The following ADAMTSL3 variants were observed in gnomAD, a reference collection of about 807,000 sequenced individuals.
The protein encoded by ADAMTSL3 is ADAMTS-like protein 3.
In ADAMTSL3, 128 loss-of-function variants were observed where a neutral mutation model predicts 201.7. That is an observed-to-expected ratio of 0.63 (90% confidence interval 0.55 to 0.73). The LOEUF (loss-of-function observed/expected upper bound fraction) is 0.73. Ranked by LOEUF, ADAMTSL3 falls within the 30% of genes least tolerant of loss-of-function variation. The pLI is 0.00. For synonymous variants in ADAMTSL3, 738 were observed against 748.4 expected, an observed-to-expected ratio of 0.99 and a Z score of 0.23; for missense variants, 1,990 against 2,119.6, an observed-to-expected ratio of 0.94 and a Z score of 1.20.
intron 2 of ADAMTSL3, among the ~76,000 whole-genome samples, chr15:83,662,570 T>TA (rs1555427509): frequency 0.047 from 3,112 of 65,526 alleles, 37 homozygotes; most frequent in Non-Finnish European, 0.061. Context: ...TAAAGTATAA[T>TA]AAAAAAAAAA....
intron 23 of ADAMTSL3, among the ~76,000 whole-genome samples, chr15:83,992,034 A>G (rs2141837222): frequency 6.6e-6 from 1 of 152,352 alleles, no homozygotes; most frequent in Non-Finnish European, 1.5e-5. Flanking sequence ...TACTCTTTTA[A>G]GATGACTTTG....
chr15:83,774,665 T>C (rs1202097413), intron 4 of ADAMTSL3, among the ~76,000 whole-genome samples: 1 of 152,198 alleles, frequency 6.6e-6, no homozygotes, highest in Non-Finnish European at 1.5e-5. Context: ...CCAGGGATTA[T>C]TCTTGCAAAG....
At chr15:83,928,491 G>A (rs943173185) in intron 17 of ADAMTSL3, among the ~76,000 whole-genome samples, 3 of 152,124 alleles carry the variant, frequency 2.0e-5, no homozygotes, top group Non-Finnish European at 2.9e-5. Flanking sequence ...CAGAGAAAAC[G>A]AAAATGATAA....
intron 7 of ADAMTSL3, among the ~76,000 whole-genome samples, chr15:83,839,137 T>G (rs949838110): frequency 1.3e-5 from 2 of 152,240 alleles, no homozygotes; most frequent in Non-Finnish European, 2.9e-5. Context: ...TACCCCCTTG[T>G]TGGTGGTATT....
chr15:83,741,805 T>G (rs2062459345), intron 3 of ADAMTSL3, among the ~76,000 whole-genome samples: 1 of 152,076 alleles, frequency 6.6e-6, no homozygotes, highest in Admixed American at 6.6e-5. Context: ...GAGACCAGCA[T>G]AGGCAACATA....
chr15:83,906,534 G>A (rs2065835169), intron 15 of ADAMTSL3, among the ~76,000 whole-genome samples: 1 of 151,746 alleles, frequency 6.6e-6, no homozygotes, highest in Non-Finnish European at 1.5e-5. Flanking sequence ...TTAGCATAGT[G>A]CCTGGCAGCT....
chr15:83,921,209 T>C (rs1056181300), intron 16 of ADAMTSL3, among the ~76,000 whole-genome samples: 2 of 152,216 alleles, frequency 1.3e-5, no homozygotes, highest in Non-Finnish European at 2.9e-5. Flanking sequence ...TATTCACTTA[T>C]GTTGGACTAT....
intron 7 of ADAMTSL3, among the ~76,000 whole-genome samples, chr15:83,847,795 T>C (rs1162321698): frequency 6.6e-6 from 1 of 152,022 alleles, no homozygotes; most frequent in African/African-American, 2.4e-5. Flanking sequence ...ATGCCCTGCC[T>C]CGGTAACTCT....
intron 2 of ADAMTSL3, among the ~76,000 whole-genome samples, chr15:83,674,487 T>A (rs2061367554): frequency 6.6e-6 from 1 of 151,878 alleles, no homozygotes; most frequent in Non-Finnish European, 1.5e-5. Context: ...TATCTATTTG[T>A]CCTACTGTGT....
intron 7 of ADAMTSL3, among the ~76,000 whole-genome samples, chr15:83,843,423 C>T (rs767023904): frequency 2.6e-5 from 4 of 152,108 alleles, no homozygotes; most frequent in East Asian, 1.9e-4. Context: ...TTCCTGCCTG[C>T]GTGAAAACAC....
At chr15:83,775,166 G>A (rs2063050772) in intron 4 of ADAMTSL3, among the ~76,000 whole-genome samples, 1 of 152,068 alleles carries the variant, frequency 6.6e-6, no homozygotes, top group African/African-American at 2.4e-5. Flanking sequence ...TTATGTCAAG[G>A]GTGAGTTCTT....
intron 2 of ADAMTSL3, among the ~76,000 whole-genome samples, chr15:83,698,235 T>A (rs949161168): frequency 1.3e-5 from 2 of 152,168 alleles, no homozygotes; most frequent in Admixed American, 1.3e-4. Flanking sequence ...GCTTTCATAG[T>A]TATTCTTGAC....
rs201787136 is a variant in ADAMTSL3 at position 83,820,010 on chromosome 15, C to T, written c.563C>T (p.Thr188Met). 8.6e-5 allele frequency: 138 copies of T among 1,613,982 alleles called. No individual in the cohort carries two copies. The highest frequency in any genetic ancestry group is 1.1e-4 in the Non-Finnish European group (128 of 1,180,028). The change falls in exon 6 of 30, where the codon ACG becomes ATG. Residue 188 changes from threonine to methionine, a missense_variant. Physicochemically the swap from Thr to Met is moderately conservative, Grantham distance 81. Coordinates refer to ENST00000286744, the MANE Select transcript of ADAMTSL3 (RefSeq NM_207517.3). Reference sequence around the variant, plus strand: ...GTACTGGATGGAACTCGTTGCAACACGGACTCCTTGGACATGTGTATCAGT... The same window carrying T: ...GTACTGGATGGAACTCGTTGCAACATGGACTCCTTGGACATGTGTATCAGT... ...PKVLDGTRCN[T>M]DSLDMCISGI...
intron 19 of ADAMTSL3, among the ~76,000 whole-genome samples, chr15:83,956,449 G>A (rs1460838928): frequency 6.6e-6 from 1 of 152,142 alleles, no homozygotes; most frequent in Non-Finnish European, 1.5e-5. Context: ...TTTAAATTTA[G>A]TTTTCCTGTG....
chr15:83,853,875 C>T (rs1026262973), intron 7 of ADAMTSL3, among the ~76,000 whole-genome samples: 2 of 151,810 alleles, frequency 1.3e-5, no homozygotes, highest in African/African-American at 4.8e-5. Context: ...TTATATTTTG[C>T]TACATTGGTT....
At chr15:83,689,657 A>G (rs1394001977) in intron 2 of ADAMTSL3, among the ~76,000 whole-genome samples, 2 of 152,168 alleles carry the variant, frequency 1.3e-5, no homozygotes, top group Non-Finnish European at 1.5e-5. Flanking sequence ...GTAAAATGTT[A>G]GATTTATTTT....
At chr15:83,683,582 A>G (rs1274495963) in intron 2 of ADAMTSL3, among the ~76,000 whole-genome samples, 1 of 152,176 alleles carries the variant, frequency 6.6e-6, no homozygotes, top group Non-Finnish European at 1.5e-5. Context: ...CTGGGACATA[A>G]TGAAGACTCA....
intron 17 of ADAMTSL3, among the ~76,000 whole-genome samples, chr15:83,938,298 A>G (rs1199505221): frequency 1.3e-5 from 2 of 152,280 alleles, no homozygotes; most frequent in South Asian, 4.1e-4. Context: ...GTGGTGGGCC[A>G]CTGCTGGTCA....
At chr15:83,775,155 C>T (rs970526282) in intron 4 of ADAMTSL3, among the ~76,000 whole-genome samples, 1 of 152,070 alleles carries the variant, frequency 6.6e-6, no homozygotes, top group African/African-American at 2.4e-5. Flanking sequence ...CAGGGGGCTT[C>T]TTATGTCAAG....
Sources: gnomAD v4.1 joint callset for allele counts (sites outside exome capture counted in the v4.1 genomes callset) on GRCh38, gnomAD v4.1.1 for gene constraint, MANE v1.5 for transcripts, NCBI Gene and HGNC (gene_info 2026-07-23, HGNC 2026-07-21) for gene names.